NFASC: variants seen among roughly 807,000 people sequenced by gnomAD.
NFASC encodes the protein neurofascin homolog.
Under a neutral mutation model 147.5 loss-of-function variants are expected in NFASC, and 43 were observed. The observed-to-expected ratio is 0.29, with a 90% CI of 0.23 to 0.38. NFASC has a LOEUF of 0.38. Among genes scored for constraint, NFASC ranks in the 10% least tolerant of loss-of-function variants. The pLI, the probability that NFASC is intolerant of heterozygous loss-of-function variation, is 1.00. For synonymous variants in NFASC, 622 were observed against 665.5 expected (o/e 0.93, Z 1.01); for missense variants, 1,320 against 1,689.0 (o/e 0.78, Z 3.83).
At chr1:204,862,228 A>C (rs1464135685) in intron 1 of NFASC, among the ~76,000 whole-genome samples, 1 of 152,212 alleles carries the variant, frequency 6.6e-6, no homozygotes, top group Non-Finnish European at 1.5e-5. Flanking sequence ...CTTTCAACTT[A>C]AGAAAAAAAA....
chr1:204,834,912 C>G (rs1673247619), intron 1 of NFASC, among the ~76,000 whole-genome samples: 1 of 152,110 alleles, frequency 6.6e-6, no homozygotes, highest in South Asian at 2.1e-4. Flanking sequence ...GCCCCTCGTA[C>G]TTAGCTTCAT....
At chr1:204,867,676 GC>G (rs2077225574) in intron 1 of NFASC, among the ~76,000 whole-genome samples, 1 of 151,986 alleles carries the variant, frequency 6.6e-6, no homozygotes, top group African/African-American at 2.4e-5. Context: ...CACACACACG[GC>G]CAGAACATGC....
chr1:204,856,382 G>GGTGT (rs57653534), intron 1 of NFASC, among the ~76,000 whole-genome samples: 25,996 of 139,616 alleles, frequency 0.19, 3,106 homozygotes, highest in East Asian at 0.48. Flanking sequence ...ATGCAGAACA[G>GGTGT]GTGTGTGTGT....
chr1:204,997,928 C>G (rs2095881729), intron 25 of NFASC: 1 of 162,786 alleles, frequency 6.1e-6, no homozygotes, highest in Admixed American at 6.0e-5. Flanking sequence ...TCCCAGAACC[C>G]CTGTCCCTTC....
At chr1:204,874,244 C>T (rs2103072179) in intron 1 of NFASC, among the ~76,000 whole-genome samples, 1 of 152,314 alleles carries the variant, frequency 6.6e-6, no homozygotes, top group Middle Eastern at 3.4e-3. Flanking sequence ...GGGCTTGGCT[C>T]AGGTTAAATA....
At position 205,016,180 on chromosome 1, in the gene NFASC, G is replaced by C; in HGVS notation, c.3492-128G>C. ...TGCAAAGCAGGCTGGACAGGGGAGGGTGAAGCGGGGGCTGGACTGGGCGGT... is the reference window on the plus strand; with the variant it reads ...TGCAAAGCAGGCTGGACAGGGGAGGCTGAAGCGGGGGCTGGACTGGGCGGT... On this transcript the variant is annotated intron_variant, in intron 29 of 29. Transcript: ENST00000339876. The surrounding 1 kb of genome is among the most constrained non-coding windows in gnomAD (Gnocchi z 5.1). 1 of 705,608 alleles carries C rather than the reference G, an allele frequency of 1.4e-6. No individual in the cohort carries two copies. 43.7% of individuals were successfully genotyped at this position (705,608 alleles called of 1,614,324 possible). A position where few individuals can be genotyped will look rare whatever the true frequency, so the allele number is the denominator to read the frequency against.
chr1:204,933,108 G>A (rs2092514037), intron 2 of NFASC, among the ~76,000 whole-genome samples: 1 of 152,122 alleles, frequency 6.6e-6, no homozygotes, highest in Non-Finnish European at 1.5e-5. Flanking sequence ...CAGAAGTATG[G>A]GTCTGATCTT....
Position 204,975,177 on chromosome 1 carries a change from A to G in NFASC, c.1559-94A>G, listed in dbSNP as rs1257584942. On this transcript the variant is annotated intron_variant, in intron 14 of 29. Coordinates refer to ENST00000339876, the MANE Select transcript of NFASC (RefSeq NM_001005388.3). This position sits in a 1 kb window ranked among gnomAD's most constrained non-coding sequence, Gnocchi z 4.0. ...TTGTGCCCCACTCCATAGTTGGCCC[A>G]AGGCCTCGAGGGCAGACATATGCCA... 7.0e-7 allele frequency: 1 copy of G among 1,422,068 alleles called. No individual in the cohort carries two copies. The highest frequency in any genetic ancestry group is 2.6e-4 in the Middle Eastern group (1 of 3,836). The allele number at this position is 1,422,068 out of a possible 1,614,324, so 88.1% of individuals were successfully genotyped here.
At chr1:204,877,645 G>A (rs1414685465) in intron 1 of NFASC, among the ~76,000 whole-genome samples, 1 of 152,076 alleles carries the variant, frequency 6.6e-6, no homozygotes, top group Non-Finnish European at 1.5e-5. Flanking sequence ...GCAGTCGATC[G>A]GGGGACTTAG....
chr1:205,008,509 C>T (rs529076985), intron 27 of NFASC: 10 of 152,746 alleles, frequency 6.5e-5, no homozygotes, highest in South Asian at 4.1e-4. Flanking sequence ...CACAGTCTCA[C>T]GTTCTGTGAC....
In NFASC at chr1:204,876,960, G is replaced by A. The variant is rs182932651; in HGVS notation, c.-199-43672G>A. On this transcript the variant is annotated intron_variant, in intron 1 of 29. Transcript: ENST00000339876. ...AGGCACTTTGATGGAGGGAAGGGTA[G>A]AACAGGAATTTATGCCAAATGAGTT... Among the ~76,000 whole-genome samples the A allele has an allele frequency of 2.2e-5, 3 of 137,122 alleles. No individual in the cohort carries two copies. In the East Asian group the frequency reaches 6.6e-4, roughly 30 times the overall value. 90.0% of individuals were successfully genotyped at this position (137,122 alleles called of 152,430 possible).
chr1:204,874,142 C>T (rs2078269590), intron 1 of NFASC, among the ~76,000 whole-genome samples: 1 of 152,188 alleles, frequency 6.6e-6, no homozygotes, highest in Admixed American at 6.5e-5. Context: ...CCTATGCAGC[C>T]TTTGTTCCCC....
At position 204,987,659 on chromosome 1, in the gene NFASC, T is replaced by TG; in HGVS notation, c.2593+121dup. ...GGGTGCAGATGGCATTGTGGAGGGATGGAGGGGCCAACGAAACAGTTCCCA... is the reference window on the plus strand; with the variant it reads ...GGGTGCAGATGGCATTGTGGAGGGATGGGAGGGGCCAACGAAACAGTTCCCA... On this transcript the variant is annotated intron_variant, in intron 22 of 29. Transcript: ENST00000339876. The surrounding 1 kb of genome is among the most constrained non-coding windows in gnomAD (Gnocchi z 4.4). 8.5e-7 allele frequency: 1 copy of TG among 1,174,250 alleles called. No individual in the cohort carries two copies. The highest frequency in any genetic ancestry group is 1.5e-5 in the African/African-American group (1 of 65,776). The allele number at this position is 1,174,250 out of a possible 1,614,324, so 72.7% of individuals were successfully genotyped here. A position where few individuals can be genotyped will look rare whatever the true frequency, so the allele number is the denominator to read the frequency against.
chr1:204,962,022 G>T, intron 8 of NFASC: 3 of 1,048,572 alleles, frequency 2.9e-6, no homozygotes, highest in East Asian at 4.8e-5. Context: ...TGTTTTTCTG[G>T]CTTTGCATTT....
chr1:204,959,908 T>C (rs985408970), intron 8 of NFASC, among the ~76,000 whole-genome samples: 3 of 152,266 alleles, frequency 2.0e-5, no homozygotes, highest in African/African-American at 7.2e-5. Flanking sequence ...TCTATTCCAC[T>C]GAAAACTCTT....
chr1:204,999,353 A>G (rs1011706131), intron 25 of NFASC: 6 of 152,118 alleles, frequency 3.9e-5, no homozygotes, highest in Non-Finnish European at 8.8e-5. Flanking sequence ...GGCCTTTTCT[A>G]AAAGAACCCC....
At chr1:204,912,380 C>G (rs531623604) in intron 1 of NFASC, among the ~76,000 whole-genome samples, 1 of 152,152 alleles carries the variant, frequency 6.6e-6, no homozygotes, top group African/African-American at 2.4e-5. Flanking sequence ...GAAACTTTCT[C>G]TTTGAATTAT....
At chr1:204,883,765 G>A (rs4370813) in intron 1 of NFASC, among the ~76,000 whole-genome samples, 17,966 of 152,196 alleles carry the variant, frequency 0.12, 1,823 homozygotes, top group East Asian at 0.48. Flanking sequence ...GATTGGCAGG[G>A]CAGCTTCCAT....
intron 2 of NFASC, among the ~76,000 whole-genome samples, chr1:204,939,981 G>T (rs2093239054): frequency 6.6e-6 from 1 of 152,224 alleles, no homozygotes; most frequent in Admixed American, 6.5e-5. Flanking sequence ...GGCAGGGGTT[G>T]CAAACCATGT....
Sources: gnomAD v4.1 joint callset for allele counts (sites outside exome capture counted in the v4.1 genomes callset) on GRCh38, gnomAD v4.1.1 for gene constraint, Gnocchi (gnomAD v3.1) non-coding constraint, MANE v1.5 for transcripts, NCBI Gene and HGNC (gene_info 2026-07-23, HGNC 2026-07-21) for gene names.